Variants in IQSEC1 observed in about 807,000 individuals in gnomAD.
IQSEC1 encodes IQ motif and Sec7 domain ArfGEF 1.
In IQSEC1, 31 loss-of-function variants were observed where a neutral mutation model predicts 91.0. That is an observed-to-expected ratio of 0.34 (90% confidence interval 0.26 to 0.46). IQSEC1 has a LOEUF of 0.46. Among genes scored for constraint, IQSEC1 ranks in the 20% least tolerant of loss-of-function variants. IQSEC1 has a pLI of 1.00. For synonymous variants in IQSEC1, 699 were observed against 662.6 expected, an observed-to-expected ratio of 1.05 and a Z score of -0.84; for missense variants, 1,388 against 1,575.6, an observed-to-expected ratio of 0.88 and a Z score of 2.02.
At chr3:13,165,300 T>C (rs1158668897) in intron 1 of IQSEC1, among the ~76,000 whole-genome samples, 2 of 151,828 alleles carry the variant, frequency 1.3e-5, no homozygotes, top group Non-Finnish European at 2.9e-5. Context: ...TGATGTGAGA[T>C]GGGAATGGCG....
At chr3:13,139,809 C>T (rs1316608669) in intron 2 of IQSEC1, among the ~76,000 whole-genome samples, 1 of 152,212 alleles carries the variant, frequency 6.6e-6, no homozygotes, top group Non-Finnish European at 1.5e-5. Flanking sequence ...CATCTGCCTA[C>T]AATGCACCTG....
chr3:13,259,542 T>C lies in IQSEC1; in HGVS notation c.272+23169A>G, dbSNP rs1695346242. Among the ~76,000 whole-genome samples the C allele has an allele frequency of 6.6e-6, 1 of 152,218 alleles. No homozygotes were observed. The highest frequency in any genetic ancestry group is 2.1e-4 in the South Asian group (1 of 4,830). ...GAAATACAGCCGACTCCCCAAGGCC[T>C]TCGAGGCGGGCTGATGGATGCAGTG... On this transcript the variant is annotated intron_variant, in intron 1 of 15. Coordinates refer to the IQSEC1 transcript ENST00000648114. The surrounding 1 kb of genome is among the most constrained non-coding windows in gnomAD (Gnocchi z 4.6).
At chr3:13,000,979 C>T (rs547465445) in intron 1 of IQSEC1, among the ~76,000 whole-genome samples, 4 of 129,694 alleles carry the variant, frequency 3.1e-5, no homozygotes, top group African/African-American at 6.2e-5. Context: ...GAGACAGAGG[C>T]GTGTGCTGTC....
chr3:13,118,662 A>G (rs1176920702), intron 2 of IQSEC1, among the ~76,000 whole-genome samples: 1 of 152,168 alleles, frequency 6.6e-6, no homozygotes, highest in African/African-American at 2.4e-5. Context: ...GGAGGAGGGA[A>G]TAGAAAGTTA....
intron 2 of IQSEC1, among the ~76,000 whole-genome samples, chr3:13,122,401 G>A (rs1484621581): frequency 2.6e-5 from 4 of 152,228 alleles, no homozygotes; most frequent in African/African-American, 9.6e-5. Flanking sequence ...CCACGGGAAG[G>A]TGCTGAGCAC....
chr3:13,199,666 C>T (rs1450524123), intron 1 of IQSEC1, among the ~76,000 whole-genome samples: 1 of 152,164 alleles, frequency 6.6e-6, no homozygotes, highest in Non-Finnish European at 1.5e-5. Flanking sequence ...GCTTCCTGCG[C>T]CACGGCCTGG....
intron 6 of IQSEC1, among the ~76,000 whole-genome samples, chr3:12,919,127 G>A (rs1390773894): frequency 6.6e-6 from 1 of 152,180 alleles, no homozygotes; most frequent in Non-Finnish European, 1.5e-5. Context: ...CCTGGCTGCT[G>A]CTTGGACACC....
chr3:12,908,566 G>A lies in IQSEC1; in HGVS notation c.2579-41C>T. The A allele has an allele frequency of 6.2e-7, 1 of 1,606,574 alleles. No individual in the cohort carries two copies. The highest frequency in any genetic ancestry group is 8.5e-7 in the Non-Finnish European group (1 of 1,174,622). On this transcript the variant is annotated intron_variant, in intron 11 of 13. Transcript: ENST00000613206. The surrounding 1 kb of genome is among the most constrained non-coding windows in gnomAD (Gnocchi z 4.9). Reference sequence around the variant, plus strand: ...TGAGGGTCCTGGTGAGAGGAGCACAGCCTAGAGTGGGCAGGAGACGGGGCC... The same window carrying A: ...TGAGGGTCCTGGTGAGAGGAGCACAACCTAGAGTGGGCAGGAGACGGGGCC...
At chr3:12,976,290 G>A (rs796086416) in intron 1 of IQSEC1, among the ~76,000 whole-genome samples, 28 of 152,364 alleles carry the variant, frequency 1.8e-4, no homozygotes, top group African/African-American at 6.7e-4. Context: ...GAGGGACTCT[G>A]CCAGCCCTGC....
intron 12 of IQSEC1, among the ~76,000 whole-genome samples, chr3:12,906,163 G>T (rs1694958149): frequency 2.6e-5 from 4 of 152,152 alleles, no homozygotes; most frequent in Admixed American, 2.6e-4. Context: ...GTCGAGTGCA[G>T]ACCTGGGACA....
intron 1 of IQSEC1, among the ~76,000 whole-genome samples, chr3:13,271,909 A>G (rs1695596434): frequency 2.0e-5 from 3 of 152,224 alleles, no homozygotes; most frequent in Admixed American, 6.5e-5. Context: ...ACAAGGAAAT[A>G]TAAGACACAA....
At chr3:13,181,684 G>A (rs1342880106) in intron 1 of IQSEC1, among the ~76,000 whole-genome samples, 1 of 152,244 alleles carries the variant, frequency 6.6e-6, no homozygotes, top group Non-Finnish European at 1.5e-5. Context: ...GAGGCAGAGA[G>A]AACAGCAGGG....
chr3:13,274,242 C>G (rs748574572), intron 1 of IQSEC1, among the ~76,000 whole-genome samples: 2 of 152,208 alleles, frequency 1.3e-5, no homozygotes, highest in African/African-American at 4.8e-5. Flanking sequence ...CCACCAGACA[C>G]GTGCTAAGGA....
upstream of IQSEC1, among the ~76,000 whole-genome samples, chr3:13,078,064 C>T (rs966297427): frequency 2.0e-5 from 3 of 152,192 alleles, no homozygotes; most frequent in Non-Finnish European, 4.4e-5. Flanking sequence ...AGCTGTGGCC[C>T]TGCAGACACT....
chr3:12,995,628 A>G (rs918413446), intron 1 of IQSEC1, among the ~76,000 whole-genome samples: 5 of 152,024 alleles, frequency 3.3e-5, no homozygotes, highest in African/African-American at 1.2e-4. Flanking sequence ...TGACTGCCCC[A>G]CTCCCCACTC....
chr3:12,989,794 G>C (rs1487496696), intron 1 of IQSEC1, among the ~76,000 whole-genome samples: 1 of 152,180 alleles, frequency 6.6e-6, no homozygotes, highest in Non-Finnish European at 1.5e-5. Flanking sequence ...GCAGCCCCCA[G>C]TAAGGAAGCC....
intron 2 of IQSEC1, among the ~76,000 whole-genome samples, chr3:13,145,093 G>C (rs961553521): frequency 1.3e-5 from 2 of 152,196 alleles, no homozygotes; most frequent in East Asian, 3.9e-4. Context: ...GGGTGGGGGG[G>C]CTGGCATGAG....
chr3:13,022,472 C>T (rs1703443630), intron 1 of IQSEC1: 2 of 1,007,682 alleles, frequency 2.0e-6, no homozygotes, highest in African/African-American at 1.7e-5. Flanking sequence ...AGCAGTGAGT[C>T]ACTCAGGGCG....
At position 13,218,729 on chromosome 3, in the gene IQSEC1, T is replaced by G. The variant is rs1354351475; in HGVS notation, c.273-54596A>C. ...GACCCCTGACTGCCACCCTCAAGGG[T>G]GTGCACTGGGTCCTGCAGGCAATGG... On this transcript the variant is annotated intron_variant, in intron 1 of 15. Coordinates refer to the IQSEC1 transcript ENST00000648114. Among the ~76,000 whole-genome samples, 3 of 151,992 alleles carry G rather than the reference T, an allele frequency of 2.0e-5. No homozygotes were observed. The East Asian group carries it at 5.8e-4, about 29-fold the overall frequency.
Sources: allele counts gnomAD v4.1 joint callset (sites outside exome capture counted in the v4.1 genomes callset), GRCh38; gene constraint gnomAD v4.1.1; non-coding constraint Gnocchi (gnomAD v3.1); transcripts MANE v1.5; gene names NCBI Gene and HGNC (gene_info 2026-07-23, HGNC 2026-07-21).